Variants in DLG2 observed in about 807,000 individuals in gnomAD.
The protein encoded by DLG2 is discs large MAGUK scaffold protein 2.
In DLG2, 45 loss-of-function variants were observed where a neutral mutation model predicts 132.5. The observed-to-expected ratio is 0.34, with a 90% confidence interval of 0.27 to 0.44. The LOEUF (loss-of-function observed/expected upper bound fraction) is 0.44, where lower values mean the gene tolerates loss of function less well. Among genes scored for constraint, DLG2 ranks in the 20% least tolerant of loss-of-function variants. The pLI is 1.00. For synonymous variants in DLG2, 424 were observed against 419.6 expected (o/e 1.01, Z -0.13); for missense variants, 1,045 against 1,196.9 (o/e 0.87, Z 1.87).
intron 7 of DLG2, among the ~76,000 whole-genome samples, chr11:84,472,061 T>C (rs2099109822): frequency 6.6e-6 from 1 of 151,846 alleles, no homozygotes; most frequent in Non-Finnish European, 1.5e-5. Flanking sequence ...AATTACCTAT[T>C]GGAGCAAATC....
At chr11:84,460,185 T>C (rs1226737941) in intron 7 of DLG2, among the ~76,000 whole-genome samples, 1 of 150,696 alleles carries the variant, frequency 6.6e-6, no homozygotes, top group African/African-American at 2.4e-5. Flanking sequence ...TAAAACATCT[T>C]TGCCTTCCAG....
intron 6 of DLG2, among the ~76,000 whole-genome samples, chr11:85,096,209 C>G (rs2069731281): frequency 6.6e-6 from 1 of 152,146 alleles, no homozygotes; most frequent in South Asian, 2.1e-4. Flanking sequence ...AGCTGGCCAC[C>G]CGCGCCAGCA....
At chr11:83,524,208 A>G (rs1413460271) in intron 21 of DLG2, among the ~76,000 whole-genome samples, 1 of 152,208 alleles carries the variant, frequency 6.6e-6, no homozygotes, top group Non-Finnish European at 1.5e-5. Flanking sequence ...GATAATTGAT[A>G]GGAGTTGGTT....
intron 6 of DLG2, among the ~76,000 whole-genome samples, chr11:85,100,539 C>T (rs1029967433): frequency 6.6e-6 from 1 of 152,066 alleles, no homozygotes; most frequent in African/African-American, 2.4e-5. Context: ...TAAGTGATGG[C>T]CGAAAAGATC....
intron 3 of DLG2, among the ~76,000 whole-genome samples, chr11:85,366,901 A>G (rs527509174): frequency 6.6e-6 from 1 of 152,164 alleles, no homozygotes; most frequent in East Asian, 1.9e-4. Context: ...ATTTTTGTGA[A>G]TTCCTTGTTT....
intron 18 of DLG2, among the ~76,000 whole-genome samples, chr11:83,717,582 C>T (rs1460206225): frequency 1.3e-5 from 2 of 152,194 alleles, no homozygotes; most frequent in African/African-American, 2.4e-5. Context: ...AAACAGCCCA[C>T]AGGCTAATTG....
intron 6 of DLG2, among the ~76,000 whole-genome samples, chr11:84,793,272 A>C (rs2074127233): frequency 6.6e-6 from 1 of 152,180 alleles, no homozygotes; most frequent in African/African-American, 2.4e-5. Context: ...AGAGAAGATG[A>C]ATACTATTAT....
intron 6 of DLG2, among the ~76,000 whole-genome samples, chr11:84,820,827 C>T (rs1199432698): frequency 6.6e-6 from 1 of 151,614 alleles, no homozygotes; most frequent in African/African-American, 2.4e-5. Flanking sequence ...AGAAACACTT[C>T]TCACAGTACA....
chr11:83,685,960 A>T (rs2079675959), intron 18 of DLG2, among the ~76,000 whole-genome samples: 1 of 151,910 alleles, frequency 6.6e-6, no homozygotes, highest in Non-Finnish European at 1.5e-5. Flanking sequence ...CCCATGCCTT[A>T]TTCATCATCA....
At chr11:83,759,226 G>A (rs1462430986) in intron 18 of DLG2, among the ~76,000 whole-genome samples, 1 of 152,184 alleles carries the variant, frequency 6.6e-6, no homozygotes, top group Non-Finnish European at 1.5e-5. Flanking sequence ...TTATAGAGGA[G>A]GGAGACTTGA....
At chr11:85,270,298 G>T (rs923603879) in intron 4 of DLG2, among the ~76,000 whole-genome samples, 2 of 152,152 alleles carry the variant, frequency 1.3e-5, no homozygotes, top group Admixed American at 1.3e-4. Context: ...CCCTGCATAA[G>T]TTGTCTTCTC....
chr11:84,463,331 G>A (rs998624359), intron 7 of DLG2, among the ~76,000 whole-genome samples: 2 of 151,086 alleles, frequency 1.3e-5, no homozygotes, highest in African/African-American at 4.8e-5. Flanking sequence ...GTCAGAGTAG[G>A]GCCCATCCTC....
At chr11:84,683,849 A>G (rs769170939) in intron 6 of DLG2, among the ~76,000 whole-genome samples, 1 of 152,168 alleles carries the variant, frequency 6.6e-6, no homozygotes, top group Non-Finnish European at 1.5e-5. Context: ...CAAATAAGAA[A>G]GCTCTTGACT....
chr11:84,111,553 T>A (rs189699251), intron 9 of DLG2, among the ~76,000 whole-genome samples: 1 of 152,310 alleles, frequency 6.6e-6, no homozygotes, highest in East Asian at 1.9e-4. Context: ...TGAAGAATAA[T>A]CCAAAATATT....
chr11:83,701,460 A>G (rs2082924696), intron 18 of DLG2, among the ~76,000 whole-genome samples: 1 of 152,166 alleles, frequency 6.6e-6, no homozygotes, highest in African/African-American at 2.4e-5. Flanking sequence ...CCATTAAACC[A>G]TCATTTAGGG....
intron 24 of DLG2, among the ~76,000 whole-genome samples, chr11:83,469,923 T>G (rs188296026): frequency 3.2e-4 from 48 of 152,228 alleles, no homozygotes; most frequent in Middle Eastern, 3.4e-3. Context: ...TAAAATAAGA[T>G]AATCACAGTT....
chr11:85,522,196 G>A (rs991996578), intron 3 of DLG2, among the ~76,000 whole-genome samples: 11 of 152,272 alleles, frequency 7.2e-5, no homozygotes, highest in Admixed American at 1.3e-4. Context: ...AAGGGGCCAC[G>A]GTATCACTCA....
intron 3 of DLG2, among the ~76,000 whole-genome samples, chr11:85,505,370 G>A (rs746997822): frequency 1.3e-5 from 2 of 151,884 alleles, no homozygotes; most frequent in Non-Finnish European, 2.9e-5. Flanking sequence ...TCATAAAGAG[G>A]TCTTATTATT....
chr11:84,771,236 A>G (rs1351460625), intron 6 of DLG2, among the ~76,000 whole-genome samples: 1 of 152,226 alleles, frequency 6.6e-6, no homozygotes, highest in East Asian at 1.9e-4. Context: ...AGTCCCACCA[A>G]CAGTGTACAA....
Sources: gnomAD v4.1 joint callset for allele counts (sites outside exome capture counted in the v4.1 genomes callset) on GRCh38, gnomAD v4.1.1 for gene constraint, MANE v1.5 for transcripts, NCBI Gene and HGNC (gene_info 2026-07-23, HGNC 2026-07-21) for gene names.